Variants in ARHGAP28 observed in about 807,000 individuals in gnomAD.
The protein encoded by ARHGAP28 is rho GTPase-activating protein 28.
Under a neutral mutation model 90.7 loss-of-function variants are expected in ARHGAP28, and 56 were observed. That is an observed-to-expected ratio of 0.62 (90% CI 0.50 to 0.77). ARHGAP28 has a LOEUF of 0.77. Among genes scored for constraint, ARHGAP28 ranks in the 30% least tolerant of loss-of-function variants. The pLI is 0.00. For missense variants in ARHGAP28, 869 were observed against 900.9 expected, an observed-to-expected ratio of 0.96 and a Z score of 0.45; for synonymous variants, 308 against 323.3, an observed-to-expected ratio of 0.95 and a Z score of 0.51.
At position 6,865,355 on chromosome 18, in the gene ARHGAP28, C is replaced by T. The variant is rs538615943; in HGVS notation, c.727-2795C>T. ...TGAATAGATTTTGCAAGTGTTATAT[C>T]TTCTGCTGTAAAATGCATTGCATAT... On this transcript the variant is annotated intron_variant, in intron 5 of 17. Transcript: ENST00000383472. Among the ~76,000 whole-genome samples the T allele has an allele frequency of 2.6e-5, 4 of 152,328 alleles. No individual in the cohort carries two copies. In the East Asian group the frequency reaches 7.7e-4, roughly 29 times the overall value.
intron 1 of ARHGAP28, among the ~76,000 whole-genome samples, chr18:6,757,062 T>C (rs1044015296): frequency 2.6e-5 from 4 of 152,198 alleles, no homozygotes; most frequent in Non-Finnish European, 5.9e-5. Flanking sequence ...TCCTATCAAG[T>C]TGACACTTAA....
chr18:6,769,556 A>G (rs1409173876), intron 1 of ARHGAP28, among the ~76,000 whole-genome samples: 1 of 152,222 alleles, frequency 6.6e-6, no homozygotes. Flanking sequence ...CCAATGAGGT[A>G]GGTACTGGTA....
chr18:6,899,980 G>A lies in ARHGAP28; in HGVS notation c.2030+3354G>A, dbSNP rs1315968603. Among the ~76,000 whole-genome samples the A allele has an allele frequency of 2.0e-5, 3 of 152,016 alleles. No individual in the cohort carries two copies. The East Asian group carries it at 5.8e-4, about 29-fold the overall frequency. ...TCTGGTGTCAGTGGGGCCCAGTGAGGAGCTGAGCTTCACCTGCAGCCTGCA... is the reference window on the plus strand; with the variant it reads ...TCTGGTGTCAGTGGGGCCCAGTGAGAAGCTGAGCTTCACCTGCAGCCTGCA... On this transcript the variant is annotated intron_variant, in intron 16 of 17. Coordinates refer to ENST00000383472, the MANE Select transcript of ARHGAP28 (RefSeq NM_001366230.1).
chr18:6,857,284 T>C (rs1194325227), intron 4 of ARHGAP28, among the ~76,000 whole-genome samples: 1 of 152,228 alleles, frequency 6.6e-6, no homozygotes, highest in East Asian at 1.9e-4. Flanking sequence ...TTGCATATCC[T>C]GTGTGGAGGA....
At position 6,820,933 on chromosome 18, in the gene ARHGAP28, CTGTTGTGGAAACACAGATA is replaced by C. The variant is rs1327746171; in HGVS notation, c.123-3825_123-3807del. Among the ~76,000 whole-genome samples, 8 of 152,280 alleles carry C rather than the reference CTGTTGTGGAAACACAGATA, an allele frequency of 5.3e-5. No homozygotes were observed. In the East Asian group the frequency reaches 1.5e-3, roughly 29 times the overall value. ...GTTCTCAAAAATGAAGAGAAAGGAT[CTGTTGTGGAAACACAGATA>C]TGTAGGGAGGAATGAAAAACTCTAG... On this transcript the variant is annotated intron_variant, in intron 1 of 17. Coordinates refer to ENST00000383472, the MANE Select transcript of ARHGAP28 (RefSeq NM_001366230.1).
At chr18:6,859,187 CA>C (rs1205882093) in intron 4 of ARHGAP28, among the ~76,000 whole-genome samples, 1 of 152,028 alleles carries the variant, frequency 6.6e-6, no homozygotes, top group Admixed American at 6.6e-5. Flanking sequence ...GACATTAGTC[CA>C]GTTAAGTTTG....
intron 3 of ARHGAP28, among the ~76,000 whole-genome samples, chr18:6,839,579 G>C (rs971181702): frequency 3.3e-5 from 5 of 152,294 alleles, no homozygotes; most frequent in East Asian, 1.9e-4. Flanking sequence ...TTACAGGCGT[G>C]AGCCACTGCG....
intron 12 of ARHGAP28, among the ~76,000 whole-genome samples, chr18:6,888,399 C>G (rs1053212854): frequency 2.6e-5 from 4 of 152,078 alleles, no homozygotes; most frequent in Non-Finnish European, 5.9e-5. Context: ...ATGCTGAAAA[C>G]AAAGATGGTT....
intron 15 of ARHGAP28, among the ~76,000 whole-genome samples, chr18:6,895,603 C>A (rs2143774693): frequency 6.6e-6 from 1 of 152,340 alleles, no homozygotes; most frequent in East Asian, 1.9e-4. Context: ...CTGGTCTCAG[C>A]CTCCATCTTC....
intron 2 of ARHGAP28, among the ~76,000 whole-genome samples, chr18:6,835,206 C>T (rs1246513288): frequency 1.3e-5 from 2 of 152,158 alleles, no homozygotes; most frequent in African/African-American, 4.8e-5. Context: ...TCTTTCCTCC[C>T]ACTCTTTCAT....
At chr18:6,878,502 A>G (rs531886123) in intron 10 of ARHGAP28, among the ~76,000 whole-genome samples, 1 of 152,272 alleles carries the variant, frequency 6.6e-6, no homozygotes, top group South Asian at 2.1e-4. Context: ...TAATAAAAAA[A>G]AAATTACAGG....
chr18:6,766,040 T>G (rs2056197662), intron 1 of ARHGAP28, among the ~76,000 whole-genome samples: 1 of 152,224 alleles, frequency 6.6e-6, no homozygotes, highest in Non-Finnish European at 1.5e-5. Context: ...TCATATGATT[T>G]GTCTTGGGGA....
Position 6,799,767 on chromosome 18 carries a change from A to G in ARHGAP28, c.123-24995A>G, listed in dbSNP as rs186828073. Reference sequence around the variant, plus strand: ...CCTAAAACCATAAAAACCCTGGAAGAAAACCTAGGCAATGTCATTCAGGAC... The same window carrying G: ...CCTAAAACCATAAAAACCCTGGAAGGAAACCTAGGCAATGTCATTCAGGAC... On this transcript the variant is annotated intron_variant, in intron 1 of 17. Transcript: ENST00000383472. Among the ~76,000 whole-genome samples the G allele has an allele frequency of 5.5e-4, 84 of 152,360 alleles. 1 individual carries two copies. Among genetic ancestry groups the G allele is most frequent in the African/African-American group, 1.9e-3 (79 of 41,592 alleles).
At chr18:6,793,660 C>T (rs754432462) in intron 1 of ARHGAP28, among the ~76,000 whole-genome samples, 1 of 151,974 alleles carries the variant, frequency 6.6e-6, no homozygotes, top group Admixed American at 6.6e-5. Flanking sequence ...TTGGCAGTGA[C>T]GTTTAAAAGA....
chr18:6,835,375 T>G (rs2056745649), intron 2 of ARHGAP28, among the ~76,000 whole-genome samples: 1 of 152,244 alleles, frequency 6.6e-6, no homozygotes, highest in African/African-American at 2.4e-5. Context: ...GGCTTACTAC[T>G]TAGATTACGG....
chr18:6,890,376 G>T, intron 13 of ARHGAP28, 54 bp from the exon 14 acceptor site: 2 of 1,174,444 alleles, frequency 1.7e-6, no homozygotes, highest in South Asian at 2.7e-5. Context: ...CAATCTGCTA[G>T]GGAGTTTGAA....
At chr18:6,865,409 G>A (rs898516085) in intron 5 of ARHGAP28, among the ~76,000 whole-genome samples, 2 of 152,122 alleles carry the variant, frequency 1.3e-5, no homozygotes, top group African/African-American at 4.8e-5. Flanking sequence ...TCCTTAAGTT[G>A]GTCTCTGGGG....
intron 4 of ARHGAP28, among the ~76,000 whole-genome samples, chr18:6,857,175 A>C (rs1216920791): frequency 3.3e-5 from 5 of 152,210 alleles, no homozygotes; most frequent in African/African-American, 1.2e-4. Context: ...TAGCTGTTAA[A>C]CTTAGTAAGG....
chr18:6,885,473 A>T (rs1483109336), intron 11 of ARHGAP28, among the ~76,000 whole-genome samples: 1 of 152,096 alleles, frequency 6.6e-6, no homozygotes, highest in Non-Finnish European at 1.5e-5. Flanking sequence ...TCTCTTTTCA[A>T]ACTTGGCCCC....
Sources: allele counts gnomAD v4.1 joint callset (sites outside exome capture counted in the v4.1 genomes callset), GRCh38; gene constraint gnomAD v4.1.1; transcripts MANE v1.5; gene names NCBI Gene and HGNC (gene_info 2026-07-23, HGNC 2026-07-21).